The following BAALC variants were observed in gnomAD, a reference collection of about 807,000 sequenced individuals.
BAALC encodes the protein BAALC binder of MAP3K1 and KLF4, also known as brain and acute leukemia cytoplasmic protein.
BAALC carries 9 observed loss-of-function variants against 15.5 expected under a neutral mutation model. The ratio of observed to expected loss-of-function variants is 0.58; its 90% confidence interval spans 0.35 to 1.02. The LOEUF is 1.02. Ranked by LOEUF, BAALC falls within the 50% of genes least tolerant of loss-of-function variation. The probability of loss-of-function intolerance (pLI) is 0.02; values close to 1 mark genes in which losing one functional copy is unlikely to be tolerated. For missense variants in BAALC, 201 were observed against 192.4 expected (o/e 1.04, Z -0.27); for synonymous variants, 80 against 74.6 (o/e 1.07, Z -0.37).
intron 1 of BAALC, among the ~76,000 whole-genome samples, chr8:103,157,317 A>G (rs981966201): frequency 4.6e-5 from 7 of 151,084 alleles, no homozygotes; most frequent in Non-Finnish European, 1.0e-4. Flanking sequence ...ATTTCAAGCT[A>G]TATATATATA....
At chr8:103,204,543 T>C (rs1018135216) in intron 1 of BAALC, among the ~76,000 whole-genome samples, 5 of 152,248 alleles carry the variant, frequency 3.3e-5, no homozygotes, top group Non-Finnish European at 7.3e-5. Flanking sequence ...CAGTGTTTTA[T>C]GATTTTAGCC....
At chr8:103,210,854 A>C (rs1024605829) in intron 1 of BAALC, among the ~76,000 whole-genome samples, 3 of 152,224 alleles carry the variant, frequency 2.0e-5, no homozygotes, top group Non-Finnish European at 4.4e-5. Flanking sequence ...TACTGTTGGC[A>C]GATGGTCAAC....
At chr8:103,162,221 G>A (rs10112046) in intron 1 of BAALC, among the ~76,000 whole-genome samples, 44,125 of 151,858 alleles carry the variant, frequency 0.29, 6,667 homozygotes, top group Middle Eastern at 0.43. Context: ...CTTGGCCTCC[G>A]GAAGTGTTGG....
intron 2 of BAALC, among the ~76,000 whole-genome samples, chr8:103,225,371 A>T (rs1812782110): frequency 1.3e-5 from 2 of 152,260 alleles, no homozygotes; most frequent in Admixed American, 1.3e-4. Flanking sequence ...AATTATCCTT[A>T]AATGTTCCTC....
intron 1 of BAALC, among the ~76,000 whole-genome samples, chr8:103,168,233 G>A (rs11779234): frequency 0.28 from 42,254 of 151,960 alleles, 6,117 homozygotes; most frequent in East Asian, 0.49. Flanking sequence ...ATTTAAGCTC[G>A]TTCTCTTGTT....
At chr8:103,146,080 T>C (rs568284268) in intron 1 of BAALC, among the ~76,000 whole-genome samples, 1 of 152,300 alleles carries the variant, frequency 6.6e-6, no homozygotes, top group East Asian at 1.9e-4. Flanking sequence ...GAAGTTACTA[T>C]TATAGGGAAG....
At chr8:103,173,049 T>C (rs1563642830) in intron 1 of BAALC, among the ~76,000 whole-genome samples, 1 of 152,238 alleles carries the variant, frequency 6.6e-6, no homozygotes, top group Non-Finnish European at 1.5e-5. Context: ...GAAAGATACA[T>C]TTGCTTATTT....
chr8:103,148,656 G>A (rs923353629), intron 1 of BAALC, among the ~76,000 whole-genome samples: 3 of 151,948 alleles, frequency 2.0e-5, no homozygotes, highest in African/African-American at 7.3e-5. Flanking sequence ...TTTGTTTTTT[G>A]TAACCGGCCT....
intron 1 of BAALC, among the ~76,000 whole-genome samples, chr8:103,211,796 C>T (rs1420748097): frequency 6.6e-6 from 1 of 152,202 alleles, no homozygotes; most frequent in Non-Finnish European, 1.5e-5. Context: ...TCTCCAGCTC[C>T]TGAGAGCACT....
intron 1 of BAALC, among the ~76,000 whole-genome samples, chr8:103,162,474 A>G (rs1811248304): frequency 6.6e-6 from 1 of 152,206 alleles, no homozygotes; most frequent in African/African-American, 2.4e-5. Flanking sequence ...GCACTTCTCC[A>G]TATGCTCTTT....
At chr8:103,177,416 C>A (rs1227391030) in intron 1 of BAALC, among the ~76,000 whole-genome samples, 1 of 152,158 alleles carries the variant, frequency 6.6e-6, no homozygotes, top group South Asian at 2.1e-4. Flanking sequence ...AACTCCTGGC[C>A]TTGAGTGATG....
At chr8:103,212,789 T>TC in intron 1 of BAALC, 130 bp from the exon 2 acceptor site, 1 of 873,906 alleles carries the variant, frequency 1.1e-6, no homozygotes, top group Non-Finnish European at 1.7e-6. Context: ...AAAGGGTAGC[T>TC]CTGCATGGTG....
At chr8:103,141,370 C>G (rs1412975684) in intron 1 of BAALC, 1 of 321,458 alleles carries the variant, frequency 3.1e-6, no homozygotes, top group Non-Finnish European at 5.6e-6. Flanking sequence ...CCTCCGCACA[C>G]ATATCCCTCA....
intron 2 of BAALC, among the ~76,000 whole-genome samples, chr8:103,224,026 G>A (rs750061909): frequency 1.3e-5 from 2 of 152,128 alleles, no homozygotes; most frequent in African/African-American, 2.4e-5. Flanking sequence ...TAATTACCAC[G>A]GTTTTCTTTA....
intron 1 of BAALC, among the ~76,000 whole-genome samples, 188 bp from the exon 2 acceptor site, chr8:103,212,731 A>G (rs1812475264): frequency 2.6e-5 from 4 of 152,266 alleles, no homozygotes; most frequent in Admixed American, 2.6e-4. Context: ...AGGTTACAGA[A>G]TTGTTTTAAA....
chr8:103,186,913 C>T (rs1049773480), intron 1 of BAALC, among the ~76,000 whole-genome samples: 4 of 152,158 alleles, frequency 2.6e-5, no homozygotes, highest in African/African-American at 4.8e-5. Flanking sequence ...AATGAGCTGA[C>T]ATGGAAAGCA....
rs187200945 is a variant in BAALC at position 103,183,509 on chromosome 8, G to A, written c.161-29410G>A. The A allele has an allele frequency of 3.0e-5, 21 of 701,414 alleles. 1 individual carries two copies. The Admixed American group carries it at 3.2e-4, about 11-fold the overall frequency. 43.4% of individuals were successfully genotyped at this position (701,414 alleles called of 1,614,324 possible). On this transcript the variant is annotated intron_variant, in intron 1 of 2. Coordinates refer to ENST00000309982, the MANE Select transcript of BAALC (RefSeq NM_024812.3). The stretch of plus-strand genomic sequence containing the variant: ...ATGGGGGGACCAGATCTGGGGAGGT[G>A]GGTATGGGACAACTCTGCAAAACCA...
intron 1 of BAALC, among the ~76,000 whole-genome samples, chr8:103,197,500 C>T (rs1295398338): frequency 1.3e-5 from 2 of 152,158 alleles, no homozygotes; most frequent in African/African-American, 4.8e-5. Flanking sequence ...ATAAGGCTGG[C>T]ACAAACCCAC....
intron 1 of BAALC, among the ~76,000 whole-genome samples, chr8:103,169,721 T>A (rs371063775): frequency 6.6e-6 from 1 of 152,230 alleles, no homozygotes; most frequent in Non-Finnish European, 1.5e-5. Flanking sequence ...CTTCATATTT[T>A]CAGCACAATA....
Sources: gnomAD v4.1 joint callset for allele counts (sites outside exome capture counted in the v4.1 genomes callset) on GRCh38, gnomAD v4.1.1 for gene constraint, MANE v1.5 for transcripts, NCBI Gene and HGNC (gene_info 2026-07-23, HGNC 2026-07-21) for gene names.